The following CRX variants were observed in gnomAD, a reference collection of about 807,000 sequenced individuals.
The protein encoded by CRX is cone-rod homeobox protein.
Under a neutral mutation model 13.1 loss-of-function variants are expected in CRX, and 5 were observed. That is an observed-to-expected ratio of 0.38 (90% confidence interval 0.20 to 0.80). The LOEUF (loss-of-function observed/expected upper bound fraction) is 0.80. Ranked by LOEUF, CRX falls within the 30% of genes least tolerant of loss-of-function variation. The pLI is 0.43. For missense variants in CRX, 351 were observed against 391.8 expected (o/e 0.90, Z 0.88); for synonymous variants, 179 against 171.1 (o/e 1.05, Z -0.36).
intron 2 of CRX, 132 bp downstream of exon 2, chr19:47,834,675 A>G (rs1353511914): frequency 1.2e-5 from 8 of 693,230 alleles, no homozygotes; most frequent in Non-Finnish European, 2.1e-5. Flanking sequence ...CTCTGGGTTC[A>G]TCTGAAATGT....
chr19:47,838,580 C>A (rs1043196110), intron 3 of CRX, among the ~76,000 whole-genome samples: 1 of 151,908 alleles, frequency 6.6e-6, no homozygotes, highest in African/African-American at 2.4e-5. Context: ...TGTACACTTG[C>A]ATGTATGATC....
chr19:47,839,232 C>T lies in CRX; in HGVS notation c.253-88C>T. ...CAGATGTGAACCCAGCACCTCTCAC[C>T]AATAAGTGTCCTCATCCCCGGGCAC... On this transcript the variant is annotated intron_variant, in intron 3 of 3. Coordinates refer to ENST00000221996, the MANE Select transcript of CRX (RefSeq NM_000554.6). The surrounding 1 kb of genome is among the most constrained non-coding windows in gnomAD (Gnocchi z 4.6). 2.1e-6 allele frequency: 3 copies of T among 1,416,116 alleles called. No individual in the cohort carries two copies. Among genetic ancestry groups the T allele is most frequent in the Non-Finnish European group, 2.9e-6 (3 of 1,038,328 alleles). 87.7% of individuals were successfully genotyped at this position (1,416,116 alleles called of 1,614,324 possible). A position where few individuals can be genotyped will look rare whatever the true frequency, so the allele number is the denominator to read the frequency against.
intron 2 of CRX, 66 bp from the exon 3 acceptor site, chr19:47,836,177 C>T: frequency 6.2e-7 from 1 of 1,601,048 alleles, no homozygotes; most frequent in South Asian, 1.1e-5. Context: ...GCATCCCACC[C>T]AGCCTCAGGG....
At chr19:47,838,052 T>C (rs1052774300) in intron 3 of CRX, among the ~76,000 whole-genome samples, 1 of 152,074 alleles carries the variant, frequency 6.6e-6, no homozygotes, top group African/African-American at 2.4e-5. Context: ...GTTTGTGTGA[T>C]TGTATGCACA....
intron 1 of CRX, among the ~76,000 whole-genome samples, chr19:47,827,477 G>A (rs1967987542): frequency 7.0e-6 from 1 of 143,368 alleles, no homozygotes; most frequent in Non-Finnish European, 1.5e-5. Flanking sequence ...CACCCCAAAT[G>A]CCTTCACTCT....
chr19:47,824,989 G>GGTTTTTT (rs1568620994), intron 1 of CRX, among the ~76,000 whole-genome samples: 1 of 57,976 alleles, frequency 1.7e-5, no homozygotes, highest in Non-Finnish European at 3.8e-5. Context: ...TCGATTGATT[G>GGTTTTTT]ATTTTTTTTT....
chr19:47,839,977 T>A lies in CRX; in HGVS notation c.*10T>A, dbSNP rs755187618. 4 of 1,611,808 alleles carry A rather than the reference T, an allele frequency of 2.5e-6. No homozygotes were observed. Among genetic ancestry groups the A allele is most frequent in the Admixed American group, 1.7e-5 (1 of 60,004 alleles). ...GTTTCAGATCTTGTAGAGGACGCAG[T>A]CTCCATCTCTCTCCATCGGGCCTCG... is the stretch of plus-strand genomic sequence containing the variant. On this transcript the variant is annotated 3_prime_UTR_variant, in exon 4 of 4. Transcript: ENST00000221996. The surrounding 1 kb of genome is among the most constrained non-coding windows in gnomAD (Gnocchi z 4.6).
intron 1 of CRX, among the ~76,000 whole-genome samples, chr19:47,829,807 T>A (rs1968022150): frequency 6.7e-6 from 1 of 148,688 alleles, no homozygotes; most frequent in South Asian, 2.1e-4. Flanking sequence ...TTTTTGTATT[T>A]TTTTTTTTGT....
At chr19:47,825,166 C>T (rs528379960) in intron 1 of CRX, among the ~76,000 whole-genome samples, 7 of 151,916 alleles carry the variant, frequency 4.6e-5, no homozygotes, top group South Asian at 2.1e-4. Flanking sequence ...TTTTAGTAGA[C>T]GGGGTTTCAC....
intron 2 of CRX, among the ~76,000 whole-genome samples, chr19:47,836,029 G>C (rs991972245): frequency 3.3e-5 from 5 of 152,156 alleles, no homozygotes; most frequent in Non-Finnish European, 7.4e-5. Context: ...AAAACGACTC[G>C]CACACCTCCT....
chr19:47,828,244 C>T (rs979950227), intron 1 of CRX, among the ~76,000 whole-genome samples: 6 of 151,958 alleles, frequency 3.9e-5, no homozygotes, highest in South Asian at 2.1e-4. Flanking sequence ...AGAGAAGCTG[C>T]GGTCTTATTT....
intron 1 of CRX, among the ~76,000 whole-genome samples, chr19:47,827,610 C>T (rs74174239): frequency 0.2 from 28,282 of 138,508 alleles, 3,117 homozygotes; most frequent in African/African-American, 0.23. Flanking sequence ...GCCATCTCAG[C>T]TCACTGCAAC....
chr19:47,837,124 T>C (rs1407092491), intron 3 of CRX, among the ~76,000 whole-genome samples: 3 of 152,226 alleles, frequency 2.0e-5, no homozygotes, highest in Non-Finnish European at 4.4e-5. Context: ...ATACGTGGTG[T>C]ATGTGCACAT....
chr19:47,829,251 G>A (rs565728209), intron 1 of CRX, among the ~76,000 whole-genome samples: 1 of 152,098 alleles, frequency 6.6e-6, no homozygotes, highest in East Asian at 1.9e-4. Context: ...AAGTAGCTGG[G>A]ATTACAGGCA....
rs71180891 is a variant in CRX, at chr19:47,832,105, G to GTTT, written c.-35-2288_-35-2286dup. Among the ~76,000 whole-genome samples the GTTT allele has an allele frequency of 9.8e-5, 9 of 91,984 alleles. 1 individual carries two copies. The highest frequency in any genetic ancestry group is 4.1e-4 in the African/African-American group (9 of 21,950). The allele number at this position is 91,984 out of a possible 152,430, so 60.3% of individuals were successfully genotyped here. A position where few individuals can be genotyped will look rare whatever the true frequency, so the allele number is the denominator to read the frequency against. On this transcript the variant is annotated intron_variant, in intron 1 of 3. Transcript: ENST00000221996. ...AAATCAGTTCAGAGAGCAGCCTTATGTTTTTTTTTTTTTTTTTTGAGACGG... is the reference window on the plus strand; with the variant it reads ...AAATCAGTTCAGAGAGCAGCCTTATGTTTTTTTTTTTTTTTTTTTTTGAGACGG...
chr19:47,826,066 A>G (rs1419730409), intron 1 of CRX, among the ~76,000 whole-genome samples: 2 of 152,224 alleles, frequency 1.3e-5, no homozygotes, highest in African/African-American at 2.4e-5. Flanking sequence ...CTTTTGTTCC[A>G]GGCCCTGCAA....
chr19:47,829,666 A>G (rs1368412565), intron 1 of CRX, among the ~76,000 whole-genome samples: 3 of 150,062 alleles, frequency 2.0e-5, no homozygotes, highest in African/African-American at 7.4e-5. Context: ...GTCTTCCTCT[A>G]TTGCCTAGGC....
chr19:47,839,247 T>A lies in CRX; in HGVS notation c.253-73T>A, dbSNP rs1038249900. 2.0e-6 allele frequency: 3 copies of A among 1,515,916 alleles called. No homozygotes were observed. Among genetic ancestry groups the A allele is most frequent in the Non-Finnish European group, 2.7e-6 (3 of 1,119,222 alleles). The allele number at this position is 1,515,916 out of a possible 1,614,324, so 93.9% of individuals were successfully genotyped here. Reference sequence around the variant, plus strand: ...CACCTCTCACCAATAAGTGTCCTCATCCCCGGGCACCCTGCGGCTCTCCTG... The same window carrying A: ...CACCTCTCACCAATAAGTGTCCTCAACCCCGGGCACCCTGCGGCTCTCCTG... On this transcript the variant is annotated intron_variant, in intron 3 of 3. Coordinates refer to ENST00000221996, the MANE Select transcript of CRX (RefSeq NM_000554.6). The surrounding 1 kb of genome is among the most constrained non-coding windows in gnomAD (Gnocchi z 4.6).
chr19:47,832,817 C>T (rs1021210999), intron 1 of CRX, among the ~76,000 whole-genome samples: 6 of 151,776 alleles, frequency 4.0e-5, no homozygotes, highest in African/African-American at 1.2e-4. Context: ...CATTTTCCAA[C>T]AAGGCGACTG....
Sources: allele counts gnomAD v4.1 joint callset (sites outside exome capture counted in the v4.1 genomes callset), GRCh38; gene constraint gnomAD v4.1.1; non-coding constraint Gnocchi (gnomAD v3.1); transcripts MANE v1.5; gene names NCBI Gene and HGNC (gene_info 2026-07-23, HGNC 2026-07-21).